FAM91A1: variants seen among roughly 807,000 people sequenced by gnomAD.
FAM91A1 encodes protein FAM91A1.
Under a neutral mutation model 113.5 loss-of-function variants are expected in FAM91A1, and 41 were observed. That is an observed-to-expected ratio of 0.36 (90% CI 0.28 to 0.47). The LOEUF is 0.47. FAM91A1 is among the 20% of genes least tolerant of loss of function. The pLI is 1.00. For missense variants in FAM91A1, 696 were observed against 1,001.2 expected, an observed-to-expected ratio of 0.70 and a Z score of 4.11; for synonymous variants, 307 against 347.9, an observed-to-expected ratio of 0.88 and a Z score of 1.31.
intron 1 of FAM91A1, among the ~76,000 whole-genome samples, chr8:123,770,431 G>A (rs1218777975): frequency 6.6e-6 from 1 of 152,170 alleles, no homozygotes; most frequent in Non-Finnish European, 1.5e-5. Flanking sequence ...GGTGTCAGTG[G>A]CTGCCCGTGT....
At chr8:123,808,179 T>G (rs944277781) in intron 20 of FAM91A1, 93 bp from the exon 21 acceptor site, 1 of 972,094 alleles carries the variant, frequency 1.0e-6, no homozygotes, top group Non-Finnish European at 1.5e-6. Context: ...ATCATTACTA[T>G]TGTCTGAAGT....
At chr8:123,780,923 G>A (rs1456231562) in intron 8 of FAM91A1, among the ~76,000 whole-genome samples, 2 of 152,002 alleles carry the variant, frequency 1.3e-5, no homozygotes, top group Non-Finnish European at 2.9e-5. Flanking sequence ...TCATGTTACT[G>A]TAGTCTTTTT....
At chr8:123,784,993 C>A in intron 9 of FAM91A1, 88 bp from the exon 10 acceptor site, 2 of 927,534 alleles carry the variant, frequency 2.2e-6, no homozygotes, top group Non-Finnish European at 1.6e-6. Flanking sequence ...TAAAATTTTG[C>A]TGATTATGAT....
chr8:123,802,509 C>T (rs17260118), intron 18 of FAM91A1, among the ~76,000 whole-genome samples: 3,738 of 152,146 alleles, frequency 0.025, 65 homozygotes, highest in Non-Finnish European at 0.033. Context: ...TACCACTACT[C>T]TGGGGAACAC....
chr8:123,800,094 C>T (rs1815637671), intron 18 of FAM91A1, among the ~76,000 whole-genome samples: 1 of 152,066 alleles, frequency 6.6e-6, no homozygotes, highest in Admixed American at 6.6e-5. Context: ...CCCAGGTTTG[C>T]ATTGCAGCCT....
In FAM91A1 at chr8:123,779,985, A is replaced by G; in HGVS notation, c.550A>G (p.Ile184Val). Residue 184 changes from isoleucine to valine, a missense_variant and splice_region_variant, in exon 7 of 24, where the codon ATA becomes GTA. Physicochemically the swap from Ile to Val is conservative, Grantham distance 29. Transcript: ENST00000334705. Reference sequence around the variant, plus strand: ...ATTAAAAATATTTTGCTTTTCTTAGATATGCACTTTGCCTGAGAAATGCGC... The same window carrying G: ...ATTAAAAATATTTTGCTTTTCTTAGGTATGCACTTTGCCTGAGAAATGCGC... ...AGYITEDDIK[I>V]CTLPEKCAVD... is the part of the protein sequence containing the mutation. 6.2e-7 allele frequency: 1 copy of G among 1,612,480 alleles called. No individual in the cohort carries two copies. Among genetic ancestry groups the G allele is most frequent in the Non-Finnish European group, 8.5e-7 (1 of 1,179,258 alleles).
chr8:123,812,705 T>A lies in FAM91A1; in HGVS notation c.*1T>A. On this transcript the variant is annotated 3_prime_UTR_variant, in exon 24 of 24. Transcript: ENST00000334705. Reference sequence around the variant, plus strand: ...TATTGCTAATCTCCATTTGCAATAATTTGGTTACACCATTTGTTGCTCACA... The same window carrying A: ...TATTGCTAATCTCCATTTGCAATAAATTGGTTACACCATTTGTTGCTCACA... The A allele has an allele frequency of 1.3e-6, 2 of 1,572,854 alleles. No homozygotes were observed. Among genetic ancestry groups the A allele is most frequent in the Non-Finnish European group, 1.7e-6 (2 of 1,163,344 alleles).
At chr8:123,809,332 G>A (rs1162285506) in intron 22 of FAM91A1, among the ~76,000 whole-genome samples, 1 of 152,144 alleles carries the variant, frequency 6.6e-6, no homozygotes, top group African/African-American at 2.4e-5. Context: ...AAAAATGTAT[G>A]TCTACAGAAA....
chr8:123,802,096 G>C (rs1440644144), intron 18 of FAM91A1, among the ~76,000 whole-genome samples: 3 of 152,186 alleles, frequency 2.0e-5, no homozygotes, highest in East Asian at 3.9e-4. Context: ...AATTACAGGG[G>C]GGTAACAGGG....
At position 123,806,247 on chromosome 8, in the gene FAM91A1, T is replaced by A; in HGVS notation, c.2032+18T>A. On this transcript the variant is annotated intron_variant, in intron 20 of 23. Transcript: ENST00000334705. ...TGAGAGAGGTTAGCCAATAGTTGGA[T>A]TCTTTGGATTAAGATAATTGGTTTT... is the stretch of plus-strand genomic sequence containing the variant. The A allele has an allele frequency of 6.2e-7, 1 of 1,600,968 alleles. No individual in the cohort carries two copies. Among genetic ancestry groups the A allele is most frequent in the Non-Finnish European group, 8.5e-7 (1 of 1,171,718 alleles).
At chr8:123,788,648 T>C (rs1336775023) in intron 14 of FAM91A1, among the ~76,000 whole-genome samples, 1 of 152,164 alleles carries the variant, frequency 6.6e-6, no homozygotes, top group Non-Finnish European at 1.5e-5. Flanking sequence ...CCCCATTTCT[T>C]ATTGTATATT....
intron 15 of FAM91A1, among the ~76,000 whole-genome samples, chr8:123,795,913 C>T (rs1047976013): frequency 2.6e-5 from 4 of 152,178 alleles, no homozygotes; most frequent in African/African-American, 9.7e-5. Context: ...AAGATAAATG[C>T]CAGCTGCCAG....
At chr8:123,800,709 A>T (rs1348582567) in intron 18 of FAM91A1, among the ~76,000 whole-genome samples, 4 of 152,148 alleles carry the variant, frequency 2.6e-5, no homozygotes, top group African/African-American at 9.7e-5. Flanking sequence ...CTTAAGCAAC[A>T]CTAATCTACT....
chr8:123,788,349 A>C, intron 14 of FAM91A1: 1 of 693,098 alleles, frequency 1.4e-6, no homozygotes, highest in Non-Finnish European at 1.8e-6. Context: ...TTTGTATTCA[A>C]ATAGTTTGTG....
Position 123,813,182 on chromosome 8 carries a change from A to G in FAM91A1, c.*478A>G, listed in dbSNP as rs1272016665. ...AACTATAAAACAATAAACATCCAGT[A>G]TTGAGAGATGATATGATAGGGCATT... On this transcript the variant is annotated 3_prime_UTR_variant, in exon 24 of 24. Transcript: ENST00000334705. The G allele has an allele frequency of 1.3e-5, 2 of 152,786 alleles. No homozygotes were observed. The highest frequency in any genetic ancestry group is 4.8e-5 in the African/African-American group (2 of 41,478). The allele number at this position is 152,786 out of a possible 1,614,324, so 9.5% of individuals were successfully genotyped here. A position where few individuals can be genotyped will look rare whatever the true frequency, so the allele number is the denominator to read the frequency against.
At chr8:123,779,478 A>G (rs1481056940) in intron 6 of FAM91A1, among the ~76,000 whole-genome samples, 1 of 152,208 alleles carries the variant, frequency 6.6e-6, no homozygotes, top group African/African-American at 2.4e-5. Flanking sequence ...AGCTGAAGCA[A>G]TGGAAATGAG....
intron 15 of FAM91A1, among the ~76,000 whole-genome samples, chr8:123,791,776 A>T (rs1815391817): frequency 6.6e-6 from 1 of 152,146 alleles, no homozygotes; most frequent in African/African-American, 2.4e-5. Context: ...CATTCGTTCT[A>T]TGTAGAGGAT....
chr8:123,785,822 T>C, intron 11 of FAM91A1, 81 bp downstream of exon 11: 1 of 768,748 alleles, frequency 1.3e-6, no homozygotes, highest in Non-Finnish European at 2.0e-6. Flanking sequence ...AATTTATTTA[T>C]TTATTTATTT....
At position 123,787,317 on chromosome 8, in the gene FAM91A1, G is replaced by T; in HGVS notation, c.1135G>T (p.Ala379Ser). 2 of 1,611,738 alleles carry T rather than the reference G, an allele frequency of 1.2e-6. No homozygotes were observed. Among genetic ancestry groups the T allele is most frequent in the Non-Finnish European group, 1.7e-6 (2 of 1,179,694 alleles). Residue 379 changes from alanine (A) to serine (S), a missense_variant, in exon 13 of 24, where the codon GCA (alanine) becomes TCA (serine). Ala to Ser is a moderately conservative substitution (Grantham distance 99). Coordinates refer to ENST00000334705, the MANE Select transcript of FAM91A1 (RefSeq NM_144963.4). ...SLSTGHTKRI[A>S]FLFDSTLTAF... Reference sequence around the variant, plus strand: ...GTCTACAGGACACACGAAGCGCATCGCATTCCTGTTTGACTCCACTCTTAC... The same window carrying T: ...GTCTACAGGACACACGAAGCGCATCTCATTCCTGTTTGACTCCACTCTTAC...
Sources: allele counts gnomAD v4.1 joint callset (sites outside exome capture counted in the v4.1 genomes callset), GRCh38; gene constraint gnomAD v4.1.1; transcripts MANE v1.5; gene names NCBI Gene and HGNC (gene_info 2026-07-23, HGNC 2026-07-21).